STK32B: variants seen among roughly 807,000 people sequenced by gnomAD.
STK32B encodes the protein serine/threonine-protein kinase 32B.
Under a neutral mutation model 52.6 loss-of-function variants are expected in STK32B, and 43 were observed. That is an observed-to-expected ratio of 0.82 (90% CI 0.64 to 1.05). The LOEUF is 1.05. Among genes scored for constraint, STK32B ranks in the 50% least tolerant of loss-of-function variants. The pLI, the probability that STK32B is intolerant of heterozygous loss-of-function variation, is 0.00. For missense variants in STK32B, 621 were observed against 534.6 expected, an observed-to-expected ratio of 1.16 and a Z score of -1.59; for synonymous variants, 238 against 204.3, an observed-to-expected ratio of 1.17 and a Z score of -1.41.
At chr4:5,184,235 T>C (rs1720567516) in intron 3 of STK32B, among the ~76,000 whole-genome samples, 1 of 152,150 alleles carries the variant, frequency 6.6e-6, no homozygotes, top group South Asian at 2.1e-4. Flanking sequence ...CAGAGGCCAT[T>C]GTAGTGTTAT....
rs192877971 is a variant in STK32B at position 5,494,671 on chromosome 4, C to T, written c.1107-4274C>T. On this transcript the variant is annotated intron_variant, in intron 11 of 11. Coordinates refer to ENST00000282908, the MANE Select transcript of STK32B (RefSeq NM_018401.3). ...AGTTGATGCAGTTTCTTCCTAGCCT[C>T]GATGGTCTTTACATTTTGGCATGAT... Among the ~76,000 whole-genome samples the T allele has an allele frequency of 3.9e-4, 60 of 152,242 alleles. No homozygotes were observed. The South Asian group carries it at 7.9e-3, about 20-fold the overall frequency.
At chr4:5,149,155 G>A (rs1382572735) in intron 2 of STK32B, among the ~76,000 whole-genome samples, 2 of 151,660 alleles carry the variant, frequency 1.3e-5, no homozygotes, top group East Asian at 1.9e-4. Context: ...TTATATAGCC[G>A]TTCTAACCTA....
In STK32B at chr4:5,460,611, C is replaced by T. The variant is rs141158890; in HGVS notation, c.909+383C>T. Among the ~76,000 whole-genome samples the T allele has an allele frequency of 4.6e-3, 702 of 152,200 alleles. 9 individuals carry two copies. The highest frequency in any genetic ancestry group is 0.016 in the African/African-American group (664 of 41,534). The stretch of plus-strand genomic sequence containing the variant: ...GCAGTCAGCACTTGTTGCACAAGCT[C>T]GGAAGAGGGAGAGGTGGGATGGGAG... On this transcript the variant is annotated intron_variant, in intron 9 of 11. Coordinates refer to ENST00000282908, the MANE Select transcript of STK32B (RefSeq NM_018401.3). This position sits in a 1 kb window ranked among gnomAD's most constrained non-coding sequence, Gnocchi z 4.8.
chr4:5,139,769 G>A (rs1323334777), intron 1 of STK32B, 136 bp from the exon 2 acceptor site: 6 of 871,558 alleles, frequency 6.9e-6, no homozygotes, highest in Non-Finnish European at 9.3e-6. Flanking sequence ...AAGGGTGGAC[G>A]GCTGCTCTGG....
At chr4:5,323,621 G>C (rs1011060409) in intron 3 of STK32B, among the ~76,000 whole-genome samples, 3 of 152,156 alleles carry the variant, frequency 2.0e-5, no homozygotes, top group Admixed American at 1.3e-4. Flanking sequence ...TCTACCCTCT[G>C]TCTTTTTTCT....
At position 5,469,256 on chromosome 4, in the gene STK32B, T is replaced by C. The variant is rs968331782; in HGVS notation, c.1106+1186T>C. On this transcript the variant is annotated intron_variant, in intron 11 of 11. Transcript: ENST00000282908. This position sits in a 1 kb window ranked among gnomAD's most constrained non-coding sequence, Gnocchi z 4.7. Reference sequence around the variant, plus strand: ...AAAAATCATTGATTACAGGCCCTTATGCAATCCCCAGTATTCAACCGTTTT... The same window carrying C: ...AAAAATCATTGATTACAGGCCCTTACGCAATCCCCAGTATTCAACCGTTTT... Among the ~76,000 whole-genome samples, 1 of 152,172 alleles carries C rather than the reference T, an allele frequency of 6.6e-6. No individual in the cohort carries two copies. Among genetic ancestry groups the C allele is most frequent in the Non-Finnish European group, 1.5e-5 (1 of 68,044 alleles).
At chr4:5,417,472 T>G (rs1017662127) in intron 6 of STK32B, among the ~76,000 whole-genome samples, 2 of 152,204 alleles carry the variant, frequency 1.3e-5, no homozygotes, top group Non-Finnish European at 2.9e-5. Context: ...AAATCTTTAT[T>G]ACCTCTTCCT....
intron 5 of STK32B, among the ~76,000 whole-genome samples, chr4:5,415,926 C>G (rs1365418209): frequency 6.6e-6 from 1 of 152,198 alleles, no homozygotes; most frequent in Non-Finnish European, 1.5e-5. Flanking sequence ...CCCTCAAAGT[C>G]AATTTTGCAT....
intron 6 of STK32B, among the ~76,000 whole-genome samples, chr4:5,441,731 G>A (rs1410956912): frequency 6.7e-6 from 1 of 150,206 alleles, no homozygotes; most frequent in Non-Finnish European, 1.5e-5. Flanking sequence ...GCTTTCTCTT[G>A]TGGGCATTTA....
intron 3 of STK32B, among the ~76,000 whole-genome samples, chr4:5,297,507 G>A (rs1847279): frequency 0.13 from 18,992 of 151,012 alleles, 2,737 homozygotes; most frequent in African/African-American, 0.35. Context: ...TTGTCTTCAC[G>A]CTTTATTTTA....
At chr4:5,281,093 C>G (rs1481396978) in intron 3 of STK32B, among the ~76,000 whole-genome samples, 4 of 152,040 alleles carry the variant, frequency 2.6e-5, no homozygotes, top group East Asian at 1.9e-4. Flanking sequence ...TATGACAGAG[C>G]AGGAGAGAGA....
chr4:5,198,871 A>T (rs1221870686), intron 3 of STK32B, among the ~76,000 whole-genome samples: 1 of 150,770 alleles, frequency 6.6e-6, no homozygotes. Flanking sequence ...GCTGACTTAA[A>T]ATCCCTGCTG....
chr4:5,160,344 T>G (rs904249767), intron 2 of STK32B, among the ~76,000 whole-genome samples: 9 of 152,162 alleles, frequency 5.9e-5, no homozygotes, highest in Non-Finnish European at 1.0e-4. Flanking sequence ...ACCACTCTTA[T>G]CCCCATTGTA....
At chr4:5,179,361 G>T (rs1560202084) in intron 3 of STK32B, among the ~76,000 whole-genome samples, 1 of 152,128 alleles carries the variant, frequency 6.6e-6, no homozygotes, top group Non-Finnish European at 1.5e-5. Flanking sequence ...AGATTTGGGT[G>T]GGGACACAGC....
At chr4:5,472,573 T>A (rs1395318569) in intron 11 of STK32B, among the ~76,000 whole-genome samples, 1 of 152,230 alleles carries the variant, frequency 6.6e-6, no homozygotes, top group Non-Finnish European at 1.5e-5. Flanking sequence ...TGAGCAGGGC[T>A]GATTTTTCCA....
intron 5 of STK32B, among the ~76,000 whole-genome samples, chr4:5,403,493 G>T (rs561916072): frequency 3.3e-5 from 5 of 152,128 alleles, no homozygotes; most frequent in Non-Finnish European, 7.3e-5. Flanking sequence ...CATAGCCTGC[G>T]CCCTATTCTT....
intron 11 of STK32B, among the ~76,000 whole-genome samples, chr4:5,488,996 C>G (rs1381687995): frequency 6.6e-6 from 1 of 151,948 alleles, no homozygotes; most frequent in East Asian, 1.9e-4. Context: ...ATTTTTAACT[C>G]TCAGTAACCT....
At chr4:5,131,746 A>G (rs540834581) in intron 1 of STK32B, among the ~76,000 whole-genome samples, 3 of 152,256 alleles carry the variant, frequency 2.0e-5, no homozygotes, top group Admixed American at 6.5e-5. Context: ...TTATTTATGG[A>G]TCTGCTCTAT....
In STK32B at chr4:5,400,659, G is replaced by T. The variant is rs111929067; in HGVS notation, c.472+2415G>T. ...AAGAAATTTAGGAGCAGGGAATTCC[G>T]CTCAGAAAAAGAAGAGTCTCCTTTC... On this transcript the variant is annotated intron_variant, in intron 5 of 11. Coordinates refer to ENST00000282908, the MANE Select transcript of STK32B (RefSeq NM_018401.3). The surrounding 1 kb of genome is among the most constrained non-coding windows in gnomAD (Gnocchi z 6.1). Among the ~76,000 whole-genome samples the T allele has an allele frequency of 6.6e-6, 1 of 152,144 alleles. No homozygotes were observed. The highest frequency in any genetic ancestry group is 1.5e-5 in the Non-Finnish European group (1 of 68,026).
Sources: gnomAD v4.1 joint callset for allele counts (sites outside exome capture counted in the v4.1 genomes callset) on GRCh38, gnomAD v4.1.1 for gene constraint, Gnocchi (gnomAD v3.1) non-coding constraint, MANE v1.5 for transcripts, NCBI Gene and HGNC (gene_info 2026-07-23, HGNC 2026-07-21) for gene names.